The following SUPT3H variants were observed in gnomAD, a reference collection of about 807,000 sequenced individuals.
SUPT3H encodes the protein SPT3 homolog, SAGA and STAGA complex component, also known as transcription initiation protein SPT3 homolog.
Under a neutral mutation model 44.3 loss-of-function variants are expected in SUPT3H, and 44 were observed. That is an observed-to-expected ratio of 0.99 (90% CI 0.78 to 1.28). The LOEUF (loss-of-function observed/expected upper bound fraction) is 1.28, where lower values mean the gene tolerates loss of function less well. Among genes scored for constraint, SUPT3H ranks in the 50% most tolerant of loss-of-function variants. The pLI is 0.00. For synonymous variants in SUPT3H, 124 were observed against 125.6 expected, an observed-to-expected ratio of 0.99 and a Z score of 0.09; for missense variants, 380 against 387.1, an observed-to-expected ratio of 0.98 and a Z score of 0.15.
rs574786930 is a variant in SUPT3H at position 45,083,340 on chromosome 6, C to T, written c.186+22582G>A. ...CTGAGTAGCTGGGATTATAGGCACA[C>T]GCCACCACACCCGGCTAATTTTTGT... On this transcript the variant is annotated intron_variant, in intron 3 of 10. Transcript: ENST00000371459. Among the ~76,000 whole-genome samples the T allele has an allele frequency of 5.9e-5, 9 of 151,982 alleles. No individual in the cohort carries two copies. In the South Asian group the frequency reaches 8.3e-4, roughly 14 times the overall value.
At chr6:45,201,468 T>G (rs553547366) in intron 2 of SUPT3H, among the ~76,000 whole-genome samples, 1 of 151,804 alleles carries the variant, frequency 6.6e-6, no homozygotes, top group African/African-American at 2.4e-5. Context: ...ATATTCCCAT[T>G]TTTAAAAATA....
chr6:44,868,534 C>G (rs1775862899), intron 10 of SUPT3H, among the ~76,000 whole-genome samples: 1 of 148,076 alleles, frequency 6.8e-6, no homozygotes, highest in South Asian at 2.2e-4. Flanking sequence ...TAGGTCCTGT[C>G]TTGTCCATTT....
intron 2 of SUPT3H, among the ~76,000 whole-genome samples, chr6:45,129,603 G>T (rs1164337711): frequency 6.6e-6 from 1 of 152,066 alleles, no homozygotes; most frequent in Non-Finnish European, 1.5e-5. Flanking sequence ...TTCACAACTT[G>T]TGCTGTTTTT....
At chr6:45,282,309 C>T (rs958027515) in intron 2 of SUPT3H, among the ~76,000 whole-genome samples, 18 of 136,382 alleles carry the variant, frequency 1.3e-4, no homozygotes, top group African/African-American at 2.0e-4. Context: ...GAGGTTCGAA[C>T]GCTTCGCAAA....
intron 10 of SUPT3H, among the ~76,000 whole-genome samples, chr6:44,887,425 A>T (rs1456235163): frequency 6.6e-6 from 1 of 152,232 alleles, no homozygotes; most frequent in Non-Finnish European, 1.5e-5. Context: ...TGTCTCTCAG[A>T]CCACAGTGCA....
chr6:45,283,082 GA>G (rs1778478067), intron 2 of SUPT3H, among the ~76,000 whole-genome samples: 1 of 152,146 alleles, frequency 6.6e-6, no homozygotes, highest in African/African-American at 2.4e-5. Context: ...GCTCCTGAAG[GA>G]AGCACTAAAC....
At chr6:45,278,820 C>T (rs1172557968) in intron 2 of SUPT3H, among the ~76,000 whole-genome samples, 1 of 152,080 alleles carries the variant, frequency 6.6e-6, no homozygotes, top group African/African-American at 2.4e-5. Context: ...CTGTGAGCAA[C>T]AAGCAGACAT....
chr6:44,864,046 T>G (rs1445077046), intron 10 of SUPT3H, among the ~76,000 whole-genome samples: 1 of 152,074 alleles, frequency 6.6e-6, no homozygotes, highest in Non-Finnish European at 1.5e-5. Flanking sequence ...CATATCATTC[T>G]GCTCCTGCCC....
At chr6:45,159,164 C>T (rs1808515653) in intron 2 of SUPT3H, 1 of 152,176 alleles carries the variant, frequency 6.6e-6, no homozygotes, top group Admixed American at 6.5e-5. Flanking sequence ...AGCACAATAT[C>T]CTATTGAACT....
chr6:45,163,657 C>T (rs1809390839), intron 2 of SUPT3H, among the ~76,000 whole-genome samples: 2 of 152,062 alleles, frequency 1.3e-5, no homozygotes, highest in Non-Finnish European at 1.5e-5. Flanking sequence ...TAACCAAGGA[C>T]CACTATCTTT....
intron 2 of SUPT3H, among the ~76,000 whole-genome samples, chr6:45,119,463 T>C (rs1199792071): frequency 6.6e-6 from 1 of 152,158 alleles, no homozygotes; most frequent in African/African-American, 2.4e-5. Context: ...ACAAGGAGCC[T>C]TCCCTATGTT....
intron 3 of SUPT3H, among the ~76,000 whole-genome samples, chr6:45,062,088 A>C (rs544456286): frequency 1.1e-4 from 16 of 152,058 alleles, no homozygotes; most frequent in African/African-American, 3.9e-4. Flanking sequence ...ACAAATTTTT[A>C]TATGAATATA....
chr6:45,043,851 C>T (rs1788968876), intron 3 of SUPT3H, among the ~76,000 whole-genome samples: 2 of 152,172 alleles, frequency 1.3e-5, no homozygotes, highest in East Asian at 3.9e-4. Context: ...TCAGCTTTTA[C>T]TCACTATGAA....
intron 10 of SUPT3H, among the ~76,000 whole-genome samples, chr6:44,859,996 G>A (rs937357223): frequency 3.3e-5 from 5 of 152,232 alleles, no homozygotes; most frequent in African/African-American, 1.2e-4. Flanking sequence ...TTCAGAAATG[G>A]ACTATGAAGG....
At chr6:45,100,239 G>GGA (rs1184337949) in intron 3 of SUPT3H, among the ~76,000 whole-genome samples, 3 of 151,830 alleles carry the variant, frequency 2.0e-5, no homozygotes, top group African/African-American at 7.3e-5. Context: ...ATAGACAAAT[G>GGA]GAATTATATT....
rs1475597650 is a variant in SUPT3H at position 44,932,898 on chromosome 6, T to TGCC, written c.802-136_802-135insGGC. On this transcript the variant is annotated intron_variant, in intron 9 of 10. Coordinates refer to ENST00000371459, the MANE Select transcript of SUPT3H (RefSeq NM_003599.4). ...GATGCACATCACTACTGCCATATAC[T>TGCC]ACATCTAAAAAAGAATTCCATTAAC... 10 of 467,200 alleles carry TGCC rather than the reference T, an allele frequency of 2.1e-5. No homozygotes were observed. In the East Asian group the frequency reaches 3.5e-4, roughly 16 times the overall value. 28.9% of individuals were successfully genotyped at this position (467,200 alleles called of 1,614,324 possible). A position where few individuals can be genotyped will look rare whatever the true frequency, so the allele number is the denominator to read the frequency against.
intron 7 of SUPT3H, among the ~76,000 whole-genome samples, chr6:44,957,916 TC>T (rs1359389654): frequency 1.3e-5 from 2 of 152,210 alleles, no homozygotes; most frequent in South Asian, 2.1e-4. Context: ...GCTAATTCCT[TC>T]CCTGTCATGT....
intron 10 of SUPT3H, among the ~76,000 whole-genome samples, chr6:44,929,338 A>G (rs922383891): frequency 6.6e-6 from 1 of 152,210 alleles, no homozygotes; most frequent in Non-Finnish European, 1.5e-5. Context: ...TTATGTTTCC[A>G]TGTAAACTAT....
At chr6:45,112,969 T>G (rs1248236961) in intron 2 of SUPT3H, among the ~76,000 whole-genome samples, 2 of 127,856 alleles carry the variant, frequency 1.6e-5, no homozygotes, top group African/African-American at 3.3e-5. Context: ...TCACTTTTTT[T>G]TTTTTTTTTA....
Sources: allele counts gnomAD v4.1 joint callset (sites outside exome capture counted in the v4.1 genomes callset), GRCh38; gene constraint gnomAD v4.1.1; transcripts MANE v1.5; gene names NCBI Gene and HGNC (gene_info 2026-07-23, HGNC 2026-07-21).